Variants in PFKM observed in about 807,000 individuals in gnomAD.
PFKM encodes phosphofructokinase, muscle.
PFKM carries 58 observed loss-of-function variants against 95.5 expected under a neutral mutation model. The observed-to-expected ratio is 0.61, with a 90% CI of 0.49 to 0.76. The LOEUF (loss-of-function observed/expected upper bound fraction) is 0.76. Ranked by LOEUF, PFKM falls within the 30% of genes least tolerant of loss-of-function variation. PFKM has a pLI of 0.00. For missense variants in PFKM, 678 were observed against 1,005.4 expected, an observed-to-expected ratio of 0.67 and a Z score of 4.40; for synonymous variants, 336 against 357.2, an observed-to-expected ratio of 0.94 and a Z score of 0.67.
At chr12:48,133,108 C>T (rs756734635) in intron 5 of PFKM, 51 bp downstream of exon 5, 5 of 1,524,396 alleles carry the variant, frequency 3.3e-6, no homozygotes, top group African/African-American at 1.4e-5. Flanking sequence ...TACGTGCACG[C>T]GTGTACACAC....
chr12:48,128,739 G>A (rs900646571), intron 2 of PFKM, among the ~76,000 whole-genome samples: 3 of 152,030 alleles, frequency 2.0e-5, no homozygotes, highest in Admixed American at 6.6e-5. Flanking sequence ...AGATTTTTCC[G>A]ATTACTAGCT....
chr12:48,105,481 C>G (rs1946458594), upstream of PFKM: 1 of 518,992 alleles, frequency 1.9e-6, no homozygotes, highest in Non-Finnish European at 3.8e-6. Context: ...CCAGACGTTT[C>G]TTTCTGATGG....
In PFKM at chr12:48,113,485, T is replaced by A. The variant is rs530775527; in HGVS notation, c.205+5291T>A. On this transcript the variant is annotated intron_variant, in intron 3 of 24. Transcript: ENST00000340802. ...GATCTGGGAGTGGCTGCCAGGTGAGTTGGACAGTCCGATTTCCAGTGGGGT... is the reference window on the plus strand; with the variant it reads ...GATCTGGGAGTGGCTGCCAGGTGAGATGGACAGTCCGATTTCCAGTGGGGT... 5.3e-5 allele frequency among the ~76,000 whole-genome samples: 8 copies of A among 152,134 alleles called. No individual in the cohort carries two copies. The East Asian group carries it at 1.5e-3, about 29-fold the overall frequency.
chr12:48,129,645 G>T (rs555376715), intron 2 of PFKM, among the ~76,000 whole-genome samples: 31 of 151,986 alleles, frequency 2.0e-4, no homozygotes, highest in Admixed American at 3.3e-4. Flanking sequence ...AAAAAAGGGG[G>T]GTGTGTGTGT....
intron 1 of PFKM, chr12:48,107,328 T>G: frequency 7.6e-7 from 1 of 1,318,356 alleles, no homozygotes; most frequent in Non-Finnish European, 1.1e-6. Context: ...ATTTCACAGC[T>G]CTGTTCGTTT....
At chr12:48,134,187 G>A (rs767353639) in intron 6 of PFKM, 45 bp from the exon 7 acceptor site, 3 of 1,562,328 alleles carry the variant, frequency 1.9e-6, no homozygotes, top group South Asian at 1.1e-5. Flanking sequence ...GCTTGATCTT[G>A]GCCATAGGGT....
chr12:48,139,666 T>C (rs1034515270), intron 12 of PFKM, among the ~76,000 whole-genome samples, 183 bp from the exon 13 acceptor site: 5 of 151,988 alleles, frequency 3.3e-5, no homozygotes, highest in African/African-American at 4.8e-5. Flanking sequence ...ACTGAGGGAG[T>C]GTTTGATGAA....
chr12:48,138,582 G>C lies in PFKM; in HGVS notation c.1063-703G>C, dbSNP rs1163481860. 2.6e-5 allele frequency among the ~76,000 whole-genome samples: 4 copies of C among 152,322 alleles called. No individual in the cohort carries two copies. In the South Asian group the frequency reaches 6.2e-4, roughly 24 times the overall value. On this transcript the variant is annotated intron_variant, in intron 11 of 22. Transcript: ENST00000359794. ...TCCAAAGTGAAGGCACTGCCCCACA[G>C]AGCTGAAATCAGTAGTTGAGAAGCA...
chr12:48,142,750 GTCTT>G (rs1950688123), intron 17 of PFKM, 28 bp from the exon 18 acceptor site: 1 of 1,603,278 alleles, frequency 6.2e-7, no homozygotes, highest in African/African-American at 1.3e-5. Flanking sequence ...CCCTGATCAT[GTCTT>G]TCTAACTATA....
intron 4 of PFKM, chr12:48,132,051 T>G (rs1949554849): frequency 4.4e-6 from 2 of 455,896 alleles, no homozygotes; most frequent in Non-Finnish European, 8.8e-6. Context: ...GGCAAAAATT[T>G]AATATGCAGT....
chr12:48,135,410 A>C, intron 10 of PFKM, 27 bp downstream of exon 10: 1 of 1,528,144 alleles, frequency 6.5e-7, no homozygotes, highest in African/African-American at 1.4e-5. Context: ...TGTGGCCCTC[A>C]TGCCTTGAAA....
At chr12:48,121,421 G>T (rs1346601692) in intron 1 of PFKM, among the ~76,000 whole-genome samples, 1 of 152,230 alleles carries the variant, frequency 6.6e-6, no homozygotes, top group Non-Finnish European at 1.5e-5. Context: ...ATTATATGTA[G>T]TACGTTCATT....
chr12:48,141,653 A>C (rs1592796741), intron 15 of PFKM, 87 bp from the exon 16 acceptor site: 1 of 1,021,054 alleles, frequency 9.8e-7, no homozygotes, highest in East Asian at 2.4e-5. Flanking sequence ...AAGTGCCTCT[A>C]ACTCTAGCTT....
intron 1 of PFKM, among the ~76,000 whole-genome samples, chr12:48,122,390 T>C (rs1948380379): frequency 6.6e-6 from 1 of 152,206 alleles, no homozygotes; most frequent in African/African-American, 2.4e-5. Context: ...CAATAACCTA[T>C]CCCTTCATTG....
intron 1 of PFKM, chr12:48,106,222 C>G (rs1946582969): frequency 1.5e-6 from 1 of 656,220 alleles, no homozygotes; most frequent in Non-Finnish European, 2.8e-6. Flanking sequence ...TGGCGAGGCC[C>G]GAGAAGCGAA....
At chr12:48,109,260 A>G (rs2137542956) in intron 3 of PFKM, among the ~76,000 whole-genome samples, 1 of 152,348 alleles carries the variant, frequency 6.6e-6, no homozygotes, top group East Asian at 1.9e-4. Flanking sequence ...ATAGAGATGT[A>G]GGGAAGAGAA....
Position 48,137,787 on chromosome 12 carries a change from G to A in PFKM, c.1003G>A (p.Val335Ile), listed in dbSNP as rs772019417. The A allele has an allele frequency of 6.2e-7, 1 of 1,614,152 alleles. No homozygotes were observed. Among genetic ancestry groups the A allele is most frequent in the South Asian group, 1.1e-5 (1 of 91,082 alleles). ...LEGTPDTPAC[V>I]VSLSGNQAVR... ...GGGGACCCCAGATACCCCAGCCTGTGTAGTGAGCCTCTCTGGTAACCAGGC... is the reference window on the plus strand; with the variant it reads ...GGGGACCCCAGATACCCCAGCCTGTATAGTGAGCCTCTCTGGTAACCAGGC... Residue 335 changes from valine (V) to isoleucine (I), a missense_variant, in exon 11 of 23, where the codon GTA becomes ATA. Coordinates refer to ENST00000359794, the MANE Select transcript of PFKM (RefSeq NM_000289.6).
intron 10 of PFKM, among the ~76,000 whole-genome samples, chr12:48,137,020 TTGGGATTAC>T (rs1950162899): frequency 6.6e-6 from 1 of 150,946 alleles, no homozygotes; most frequent in Non-Finnish European, 1.5e-5. Flanking sequence ...TCCCAAAACA[TTGGGATTAC>T]TGGCGTAAGC....
chr12:48,116,590 T>TGCCTCAACCTCCTGTTGA (rs1381415468), upstream of PFKM, among the ~76,000 whole-genome samples: 1 of 152,206 alleles, frequency 6.6e-6, no homozygotes, highest in African/African-American at 2.4e-5. Context: ...GTCATTCTTG[T>TGCCTCAACCTCCTGTTGA]GCCTCAACCT....
Sources: gnomAD v4.1 joint callset for allele counts (sites outside exome capture counted in the v4.1 genomes callset) on GRCh38, gnomAD v4.1.1 for gene constraint, MANE v1.5 for transcripts, NCBI Gene and HGNC (gene_info 2026-07-23, HGNC 2026-07-21) for gene names.